Variants in PHC3 observed in about 807,000 individuals in gnomAD.
PHC3 encodes the protein polyhomeotic-like protein 3.
PHC3 carries 13 observed loss-of-function variants against 107.4 expected under a neutral mutation model. The observed-to-expected ratio is 0.12, with a 90% CI of 0.08 to 0.19. The LOEUF is 0.19. Ranked by LOEUF, PHC3 falls within the 10% of genes least tolerant of loss-of-function variation. The pLI is 1.00. For synonymous variants in PHC3, 456 were observed against 427.4 expected (o/e 1.07, Z -0.83); for missense variants, 992 against 1,210.9 (o/e 0.82, Z 2.68).
At chr3:170,168,035 G>A (rs921063037) in intron 4 of PHC3, among the ~76,000 whole-genome samples, 5 of 152,040 alleles carry the variant, frequency 3.3e-5, no homozygotes, top group Non-Finnish European at 2.9e-5. Flanking sequence ...AGTGGTGTGC[G>A]CCTGTAGTCC....
At chr3:170,125,130 G>A (rs79006303) in intron 8 of PHC3, among the ~76,000 whole-genome samples, 1 of 152,212 alleles carries the variant, frequency 6.6e-6, no homozygotes, top group East Asian at 1.9e-4. Flanking sequence ...CTGGAAACCA[G>A]TTACACTAAG....
At chr3:170,122,283 A>G (rs879871368) in intron 9 of PHC3, among the ~76,000 whole-genome samples, 1 of 152,134 alleles carries the variant, frequency 6.6e-6, no homozygotes, top group Admixed American at 6.5e-5. Flanking sequence ...ATTAACTACC[A>G]TAACAAATTC....
chr3:170,140,749 C>T (rs938374355), intron 6 of PHC3, among the ~76,000 whole-genome samples: 2 of 151,308 alleles, frequency 1.3e-5, no homozygotes, highest in Non-Finnish European at 2.9e-5. Flanking sequence ...AGATACCCAC[C>T]ACCACACCTA....
At chr3:170,109,588 T>G (rs1431873575) in intron 11 of PHC3, among the ~76,000 whole-genome samples, 9 of 152,116 alleles carry the variant, frequency 5.9e-5, no homozygotes, top group Non-Finnish European at 8.8e-5. Context: ...CTTCCTAATC[T>G]AGATCCCCCA....
rs1714531092 is a variant in PHC3 at position 170,095,453 on chromosome 3, T to A, written c.*1777A>T. The A allele has an allele frequency of 6.6e-6, 1 of 152,192 alleles. No homozygotes were observed. Among genetic ancestry groups the A allele is most frequent in the Non-Finnish European group, 1.5e-5 (1 of 68,028 alleles). 9.4% of individuals were successfully genotyped at this position (152,192 alleles called of 1,614,324 possible). On this transcript the variant is annotated 3_prime_UTR_variant, in exon 15 of 15. Coordinates refer to ENST00000495893, the MANE Select transcript of PHC3 (RefSeq NM_024947.4). ...TAAAGATTAAAAAAATTACCCGCTG[T>A]ATTTTTGTATAAAAATAATCAACAT...
At chr3:170,119,036 TAAAAAAA>T (rs1002478959) in intron 9 of PHC3, among the ~76,000 whole-genome samples, 3 of 72,670 alleles carry the variant, frequency 4.1e-5, no homozygotes, top group East Asian at 3.5e-4. Context: ...TATAAAAAGC[TAAAAAAA>T]AAAAAAAAAA....
chr3:170,180,403 C>G (rs918646065), intron 1 of PHC3, among the ~76,000 whole-genome samples: 1 of 152,028 alleles, frequency 6.6e-6, no homozygotes, highest in African/African-American at 2.4e-5. Flanking sequence ...GAGCTATGAT[C>G]GTGCCACTGC....
intron 8 of PHC3, among the ~76,000 whole-genome samples, chr3:170,123,487 T>A (rs1236494892): frequency 6.6e-6 from 1 of 152,152 alleles, no homozygotes; most frequent in Non-Finnish European, 1.5e-5. Context: ...TTGTAAAGAT[T>A]ATACTTAAGA....
chr3:170,176,138 A>G (rs2108777569), intron 2 of PHC3, among the ~76,000 whole-genome samples: 1 of 149,904 alleles, frequency 6.7e-6, no homozygotes, highest in East Asian at 2.0e-4. Context: ...AAGCAGGAGA[A>G]TCGCTTGAAC....
intron 6 of PHC3, among the ~76,000 whole-genome samples, chr3:170,144,223 C>T (rs537776825): frequency 5.3e-5 from 8 of 150,874 alleles, no homozygotes; most frequent in Non-Finnish European, 1.2e-4. Context: ...TGCCTGTAAT[C>T]CCAGCTACTC....
At chr3:170,112,363 A>C (rs1717974170) in intron 11 of PHC3, among the ~76,000 whole-genome samples, 1 of 149,896 alleles carries the variant, frequency 6.7e-6, no homozygotes. Context: ...GGCACACACC[A>C]CCAGGCCCAG....
chr3:170,101,366 T>C (rs963285298), intron 14 of PHC3, among the ~76,000 whole-genome samples: 1 of 152,212 alleles, frequency 6.6e-6, no homozygotes, highest in Non-Finnish European at 1.5e-5. Context: ...ACAACTATCA[T>C]TCCTAAATAT....
In PHC3 at chr3:170,129,556, T is replaced by C; in HGVS notation, c.920-4A>G. On this transcript the variant is annotated splice_region_variant and splice_polypyrimidine_tract_variant and intron_variant, in intron 7 of 14. Coordinates refer to ENST00000495893, the MANE Select transcript of PHC3 (RefSeq NM_024947.4). ...GGCTGAATTGGAGAATATGAAGCTGTGAGAGAAAAAAATGACAATTAGTAC... is the reference window on the plus strand; with the variant it reads ...GGCTGAATTGGAGAATATGAAGCTGCGAGAGAAAAAAATGACAATTAGTAC... The C allele has an allele frequency of 6.2e-7, 1 of 1,603,960 alleles. No homozygotes were observed. Among genetic ancestry groups the C allele is most frequent in the Non-Finnish European group, 8.5e-7 (1 of 1,175,382 alleles).
At chr3:170,166,855 A>G (rs1261751162) in intron 4 of PHC3, among the ~76,000 whole-genome samples, 2 of 151,904 alleles carry the variant, frequency 1.3e-5, no homozygotes, top group Admixed American at 6.6e-5. Context: ...GATGGGGTCT[A>G]CGTTGCCCAG....
Position 170,087,937 on chromosome 3 carries a change from A to G in PHC3, c.*9293T>C, listed in dbSNP as rs1446136589. ...TGAAAGTGCTTTCTCTTTTTTAAAA[A>G]AATACACCAAATGGACACTTTTTAC... On this transcript the variant is annotated 3_prime_UTR_variant, in exon 15 of 15. Transcript: ENST00000495893. 1 of 152,180 alleles carries G rather than the reference A, an allele frequency of 6.6e-6. No individual in the cohort carries two copies. Among genetic ancestry groups the G allele is most frequent in the Non-Finnish European group, 1.5e-5 (1 of 68,020 alleles). The allele number at this position is 152,180 out of a possible 1,614,324, so 9.4% of individuals were successfully genotyped here. A position where few individuals can be genotyped will look rare whatever the true frequency, so the allele number is the denominator to read the frequency against.
At chr3:170,133,006 G>T (rs2108490229) in intron 7 of PHC3, among the ~76,000 whole-genome samples, 1 of 152,022 alleles carries the variant, frequency 6.6e-6, no homozygotes, top group Non-Finnish European at 1.5e-5. Flanking sequence ...AGTTACTTTG[G>T]CACCCTAAAA....
chr3:170,111,156 T>C (rs1340151031), intron 11 of PHC3, among the ~76,000 whole-genome samples: 4 of 152,066 alleles, frequency 2.6e-5, no homozygotes, highest in Non-Finnish European at 5.9e-5. Flanking sequence ...ACCAAAGAAT[T>C]ATTATTTTGC....
chr3:170,145,670 G>T (rs1272527041), intron 5 of PHC3, 149 bp from the exon 6 acceptor site: 6 of 472,704 alleles, frequency 1.3e-5, no homozygotes, highest in Non-Finnish European at 2.3e-5. Flanking sequence ...ACATGACAAA[G>T]AGAAGTTTCT....
chr3:170,115,353 T>C (rs1476979272), intron 10 of PHC3, among the ~76,000 whole-genome samples: 1 of 148,190 alleles, frequency 6.7e-6, no homozygotes, highest in Non-Finnish European at 1.5e-5. Flanking sequence ...CTTGATTATA[T>C]GTATGTATCT....
Sources: allele counts gnomAD v4.1 joint callset (sites outside exome capture counted in the v4.1 genomes callset), GRCh38; gene constraint gnomAD v4.1.1; transcripts MANE v1.5; gene names NCBI Gene and HGNC (gene_info 2026-07-23, HGNC 2026-07-21).